The following KDM4C variants were observed in gnomAD, a reference collection of about 807,000 sequenced individuals.
The protein encoded by KDM4C is lysine-specific demethylase 4C.
KDM4C carries 81 observed loss-of-function variants against 129.3 expected under a neutral mutation model. That is an observed-to-expected ratio of 0.63 (90% CI 0.52 to 0.75). The LOEUF is 0.75. Among genes scored for constraint, KDM4C ranks in the 30% least tolerant of loss-of-function variants. The pLI is 0.00. For missense variants in KDM4C, 1,457 were observed against 1,304.0 expected (o/e 1.12, Z -1.81); for synonymous variants, 573 against 456.1 (o/e 1.26, Z -3.26).
intron 7 of KDM4C, among the ~76,000 whole-genome samples, chr9:6,889,211 TTGTGTGTGTGTGTGTGTG>T (rs34443147): frequency 9.7e-5 from 6 of 61,552 alleles, no homozygotes; most frequent in Non-Finnish European, 1.5e-4. Context: ...GGCCTTCTTT[TTGTGTGTGTGTGTGTGTG>T]TGTGTGTGTG....
chr9:6,732,886 G>A (rs1281778547), intron 1 of KDM4C, among the ~76,000 whole-genome samples: 1 of 152,208 alleles, frequency 6.6e-6, no homozygotes, highest in Non-Finnish European at 1.5e-5. Flanking sequence ...GGTGGCACAC[G>A]CCTGTAGTCC....
chr9:6,893,054 G>T, intron 7 of KDM4C, 41 bp from the exon 8 acceptor site: 1 of 1,375,802 alleles, frequency 7.3e-7, no homozygotes. Flanking sequence ...AATTTAGGAA[G>T]TCTTATTTTT....
At chr9:7,173,965 C>T (rs572134568) in intron 21 of KDM4C, among the ~76,000 whole-genome samples, 16 of 152,080 alleles carry the variant, frequency 1.1e-4, no homozygotes, top group Non-Finnish European at 1.5e-4. Flanking sequence ...CTTAGGGCAT[C>T]GTAGTTGAGC....
intron 8 of KDM4C, among the ~76,000 whole-genome samples, chr9:6,921,440 A>G (rs1821487088): frequency 6.6e-6 from 1 of 152,114 alleles, no homozygotes; most frequent in African/African-American, 2.4e-5. Context: ...CTCAGGCCAA[A>G]CACTCTGGGA....
chr9:7,090,013 C>A (rs1303554578), intron 17 of KDM4C, among the ~76,000 whole-genome samples: 2 of 152,212 alleles, frequency 1.3e-5, no homozygotes, highest in African/African-American at 2.4e-5. Context: ...GCAGAATCCC[C>A]CAAGCCTCCT....
At chr9:6,935,738 G>C (rs188120754) in intron 8 of KDM4C, among the ~76,000 whole-genome samples, 1 of 152,282 alleles carries the variant, frequency 6.6e-6, no homozygotes, top group East Asian at 1.9e-4. Flanking sequence ...ATTACAAAAA[G>C]AGCCATGAGT....
intron 5 of KDM4C, among the ~76,000 whole-genome samples, chr9:6,873,921 A>C (rs1843161316): frequency 6.9e-6 from 1 of 144,944 alleles, no homozygotes; most frequent in Non-Finnish European, 1.5e-5. Context: ...AGAGCGAGAG[A>C]GAGAGAGAGT....
intron 1 of KDM4C, among the ~76,000 whole-genome samples, chr9:6,770,856 A>C (rs1353512687): frequency 6.8e-6 from 1 of 148,052 alleles, no homozygotes; most frequent in Non-Finnish European, 1.5e-5. Flanking sequence ...GCTCACTGCA[A>C]CCTCTGCCTC....
intron 1 of KDM4C, among the ~76,000 whole-genome samples, chr9:6,777,619 C>T (rs1823361864): frequency 6.6e-6 from 1 of 152,098 alleles, no homozygotes. Flanking sequence ...CCTTATTGCC[C>T]CCAGGTCCTT....
intron 5 of KDM4C, among the ~76,000 whole-genome samples, chr9:6,873,696 C>T (rs947646323): frequency 4.6e-5 from 7 of 152,172 alleles, no homozygotes; most frequent in Non-Finnish European, 1.0e-4. Flanking sequence ...CCAACATTCT[C>T]CATATCAGCA....
At chr9:6,860,576 G>A (rs1840740428) in intron 5 of KDM4C, among the ~76,000 whole-genome samples, 1 of 152,128 alleles carries the variant, frequency 6.6e-6, no homozygotes. Flanking sequence ...GAGTTTACCT[G>A]TATAACAAAC....
chr9:6,754,611 A>G (rs1818182886), upstream of KDM4C, among the ~76,000 whole-genome samples: 1 of 152,010 alleles, frequency 6.6e-6, no homozygotes, highest in East Asian at 1.9e-4. Context: ...GCAGTGGCTC[A>G]CTCCTGTATT....
intron 1 of KDM4C, among the ~76,000 whole-genome samples, chr9:6,736,019 A>G (rs2130237718): frequency 6.6e-6 from 1 of 152,032 alleles, no homozygotes; most frequent in East Asian, 1.9e-4. Context: ...AGCAAAGGTG[A>G]CTCTTGTTAT....
At chr9:6,991,423 G>T (rs1818725160) in intron 12 of KDM4C, among the ~76,000 whole-genome samples, 2 of 151,708 alleles carry the variant, frequency 1.3e-5, no homozygotes, top group African/African-American at 2.4e-5. Flanking sequence ...AGAAATTTTT[G>T]TTGCCTCAAA....
At chr9:6,909,372 C>G (rs73410605) in intron 8 of KDM4C, among the ~76,000 whole-genome samples, 1 of 152,190 alleles carries the variant, frequency 6.6e-6, no homozygotes, top group Non-Finnish European at 1.5e-5. Flanking sequence ...AAGTGTAACA[C>G]CTTTCTGTAG....
intron 1 of KDM4C, among the ~76,000 whole-genome samples, chr9:6,735,338 C>T (rs1447345092): frequency 6.6e-6 from 1 of 152,228 alleles, no homozygotes; most frequent in Non-Finnish European, 1.5e-5. Flanking sequence ...CTGCCTGAAT[C>T]TAAAAAGGGC....
chr9:7,097,452 A>G (rs1342543498), intron 17 of KDM4C, among the ~76,000 whole-genome samples: 1 of 152,240 alleles, frequency 6.6e-6, no homozygotes, highest in Non-Finnish European at 1.5e-5. Flanking sequence ...AGAGTGGTGC[A>G]GAGGTGAGCT....
At chr9:6,872,995 C>T (rs751204945) in intron 5 of KDM4C, among the ~76,000 whole-genome samples, 6 of 152,028 alleles carry the variant, frequency 3.9e-5, no homozygotes, top group Non-Finnish European at 7.4e-5. Flanking sequence ...GGTGCAATCT[C>T]GTCTCATTGC....
chr9:6,773,770 CAA>C (rs963946653), intron 1 of KDM4C, among the ~76,000 whole-genome samples: 14 of 77,180 alleles, frequency 1.8e-4, no homozygotes, highest in South Asian at 4.4e-4. Context: ...GACTCTGTCT[CAA>C]AAAAAAAAAA....
Sources: gnomAD v4.1 joint callset for allele counts (sites outside exome capture counted in the v4.1 genomes callset) on GRCh38, gnomAD v4.1.1 for gene constraint, MANE v1.5 for transcripts, NCBI Gene and HGNC (gene_info 2026-07-23, HGNC 2026-07-21) for gene names.